The following FARS2 variants were observed in gnomAD, a reference collection of about 807,000 sequenced individuals.
The protein encoded by FARS2 is phenylalanine--tRNA ligase, mitochondrial.
In FARS2, 40 loss-of-function variants were observed where a neutral mutation model predicts 46.4. The ratio of observed to expected loss-of-function variants is 0.86; its 90% CI spans 0.67 to 1.12. The LOEUF (loss-of-function observed/expected upper bound fraction) is 1.12. Ranked by LOEUF, FARS2 falls within the 50% of genes most tolerant of loss-of-function variation. The probability of loss-of-function intolerance (pLI) is 0.00; values close to 1 mark genes in which losing one functional copy is unlikely to be tolerated. For synonymous variants in FARS2, 234 were observed against 214.9 expected (o/e 1.09, Z -0.78); for missense variants, 513 against 567.9 (o/e 0.90, Z 0.98).
intron 3 of FARS2, among the ~76,000 whole-genome samples, chr6:5,405,890 A>G (rs1340352252): frequency 6.6e-6 from 1 of 152,204 alleles, no homozygotes; most frequent in Non-Finnish European, 1.5e-5. Flanking sequence ...TTAACAGTAT[A>G]TTATATCAAC....
intron 1 of FARS2, among the ~76,000 whole-genome samples, chr6:5,336,427 A>G (rs1771163017): frequency 6.6e-6 from 1 of 152,110 alleles, no homozygotes; most frequent in African/African-American, 2.4e-5. Flanking sequence ...ACTTTTCTTT[A>G]CATATGTGGA....
At chr6:5,669,136 A>C (rs937902553) in intron 6 of FARS2, among the ~76,000 whole-genome samples, 1 of 152,238 alleles carries the variant, frequency 6.6e-6, no homozygotes, top group African/African-American at 2.4e-5. Flanking sequence ...AAAAACAAAC[A>C]GATGTTAATT....
rs573092015 is a variant in FARS2, at chr6:5,546,313, C to T, written c.1065+973C>T. Among the ~76,000 whole-genome samples the T allele has an allele frequency of 2.8e-4, 41 of 145,934 alleles. No homozygotes were observed. In the South Asian group the frequency reaches 4.6e-3, roughly 16 times the overall value. On this transcript the variant is annotated intron_variant, in intron 5 of 6. Transcript: ENST00000274680. ...ACTCTGTCGCCTGGGCTGGAGTGCG[C>T]GATCTTGGCTCACTGCAACCTGCGC...
rs201092264 is a variant in FARS2, at chr6:5,404,623, A to G, written c.694A>G (p.Thr232Ala). 1 of 1,613,528 alleles carries G rather than the reference A, an allele frequency of 6.2e-7. No individual in the cohort carries two copies. Among genetic ancestry groups the G allele is most frequent in the Non-Finnish European group, 8.5e-7 (1 of 1,179,646 alleles). Residue 232 changes from threonine to alanine, a missense_variant, in exon 3 of 7, where the codon ACC (threonine) becomes GCC (alanine). By Grantham distance (58) the Thr-to-Ala change is moderately conservative. Coordinates refer to ENST00000274680, the MANE Select transcript of FARS2 (RefSeq NM_006567.5). ...CTCTGCGCATAAACAAGAGACACAC[A>G]CCATGGAGGCCGTGAAGCTTGTAGA... Reference protein sequence around the residue: ...SRSAHKQETHTMEAVKLVEFD... With the variant: ...SRSAHKQETHAMEAVKLVEFD...
intron 2 of FARS2, among the ~76,000 whole-genome samples, chr6:5,376,169 A>G (rs576828752): frequency 6.6e-6 from 1 of 152,254 alleles, no homozygotes; most frequent in South Asian, 2.1e-4. Flanking sequence ...CTTTCTGAAA[A>G]TGCATATAGG....
At chr6:5,580,291 A>C (rs1773251929) in intron 5 of FARS2, among the ~76,000 whole-genome samples, 1 of 89,196 alleles carries the variant, frequency 1.1e-5, no homozygotes, top group African/African-American at 5.0e-5. Context: ...CTCCGTCTCA[A>C]AAAAAAAAAA....
At chr6:5,363,575 G>A (rs771389696) in intron 1 of FARS2, among the ~76,000 whole-genome samples, 3 of 152,090 alleles carry the variant, frequency 2.0e-5, no homozygotes, top group Non-Finnish European at 4.4e-5. Context: ...GTATATATAT[G>A]TGTTTGTGTG....
intron 4 of FARS2, among the ~76,000 whole-genome samples, chr6:5,445,043 A>G (rs1764104480): frequency 6.6e-6 from 1 of 152,194 alleles, no homozygotes; most frequent in Admixed American, 6.5e-5. Context: ...CAAATCTTCA[A>G]CAGCCTAGAG....
chr6:5,643,189 C>T (rs1776909432), intron 6 of FARS2, among the ~76,000 whole-genome samples: 3 of 152,182 alleles, frequency 2.0e-5, no homozygotes, highest in Non-Finnish European at 4.4e-5. Context: ...AATTTTCTTT[C>T]AGGAGGAGGG....
intron 6 of FARS2, among the ~76,000 whole-genome samples, chr6:5,759,427 G>A (rs1762375741): frequency 6.6e-6 from 1 of 152,140 alleles, no homozygotes; most frequent in Non-Finnish European, 1.5e-5. Flanking sequence ...GAATCTACAA[G>A]TCATGTCTTG....
At chr6:5,319,172 T>C (rs951974827) in intron 1 of FARS2, among the ~76,000 whole-genome samples, 4 of 151,962 alleles carry the variant, frequency 2.6e-5, no homozygotes, top group African/African-American at 9.7e-5. Context: ...TTATACTGTC[T>C]CTCTAAAATA....
At chr6:5,523,318 G>A (rs1769258026) in intron 4 of FARS2, among the ~76,000 whole-genome samples, 1 of 152,188 alleles carries the variant, frequency 6.6e-6, no homozygotes, top group African/African-American at 2.4e-5. Flanking sequence ...GAAGGGTCAG[G>A]TAGGGAGAAG....
chr6:5,270,169 G>C (rs1231599837), intron 1 of FARS2, among the ~76,000 whole-genome samples: 1 of 152,208 alleles, frequency 6.6e-6, no homozygotes, highest in Non-Finnish European at 1.5e-5. Context: ...AAGCAGTCAT[G>C]AAATAGAAAA....
chr6:5,567,578 A>C (rs1035286998), intron 5 of FARS2, among the ~76,000 whole-genome samples: 1 of 152,222 alleles, frequency 6.6e-6, no homozygotes, highest in Non-Finnish European at 1.5e-5. Flanking sequence ...TCTTCTAGAT[A>C]CATATCTATT....
upstream of FARS2, among the ~76,000 whole-genome samples, chr6:5,260,250 A>G (rs1184033563): frequency 2.6e-5 from 4 of 152,208 alleles, no homozygotes; most frequent in Admixed American, 6.5e-5. Context: ...CTCACTGGCC[A>G]CTTCCACTCT....
intron 4 of FARS2, among the ~76,000 whole-genome samples, chr6:5,483,669 A>AAAAT (rs142275390): frequency 0.015 from 2,240 of 151,946 alleles, 65 homozygotes; most frequent in African/African-American, 0.051. Context: ...TCTGTCTCAA[A>AAAAT]AAATAAATAA....
At chr6:5,541,573 C>A (rs1770639490) in intron 4 of FARS2, among the ~76,000 whole-genome samples, 1 of 152,122 alleles carries the variant, frequency 6.6e-6, no homozygotes, top group African/African-American at 2.4e-5. Context: ...TTTTGTTAAA[C>A]ATAATTCTTT....
upstream of FARS2, among the ~76,000 whole-genome samples, chr6:5,258,783 A>G (rs553960938): frequency 6.6e-6 from 1 of 152,230 alleles, no homozygotes; most frequent in Non-Finnish European, 1.5e-5. Flanking sequence ...AATTTGATCA[A>G]TTATTTTCTG....
chr6:5,430,467 T>G (rs1408286238), intron 3 of FARS2, among the ~76,000 whole-genome samples: 2 of 152,144 alleles, frequency 1.3e-5, no homozygotes, highest in African/African-American at 4.8e-5. Flanking sequence ...TTTTAATCAT[T>G]CATCTGTAGG....
Sources: gnomAD v4.1 joint callset for allele counts (sites outside exome capture counted in the v4.1 genomes callset) on GRCh38, gnomAD v4.1.1 for gene constraint, MANE v1.5 for transcripts, NCBI Gene and HGNC (gene_info 2026-07-23, HGNC 2026-07-21) for gene names.